The following ZNF469 variants were observed in gnomAD, a reference collection of about 807,000 sequenced individuals.
The protein encoded by ZNF469 is zinc finger protein 469.
A neutral mutation model predicts 1.0 loss-of-function variants in ZNF469; 1 was observed. The observed-to-expected ratio is 1.00, with a 90% CI of 0.35 to 4.73. The LOEUF is 4.73. ZNF469 is among the 30% of genes most tolerant of loss of function. The pLI, the probability that ZNF469 is intolerant of heterozygous loss-of-function variation, is 0.16. For missense variants in ZNF469, 6,100 were observed against 5,356.3 expected (o/e 1.14, Z -4.33); for synonymous variants, 2,703 against 2,363.4 (o/e 1.14, Z -4.17).
At chr16:88,353,102 G>A in the ZNF469 span, among the ~76,000 whole-genome samples, 6 of 152,174 alleles carry the variant, frequency 3.9e-5, no homozygotes, top group African/African-American at 1.4e-4. Context: ...GAAACCCTTA[G>A]GTGGGCTGAC....
chr16:88,211,955 T>G, the ZNF469 span, among the ~76,000 whole-genome samples: 1 of 152,342 alleles, frequency 6.6e-6, no homozygotes, highest in African/African-American at 2.4e-5. Context: ...CCAGATGTTT[T>G]AAAAACAATT....
chr16:88,314,312 G>A, the ZNF469 span, among the ~76,000 whole-genome samples: 4 of 149,024 alleles, frequency 2.7e-5, no homozygotes, highest in Admixed American at 2.7e-4. Flanking sequence ...CAGTGCTGCT[G>A]TGGACTGTCA....
chr16:88,121,153 T>C, the ZNF469 span, among the ~76,000 whole-genome samples: 1 of 82,000 alleles, frequency 1.2e-5, no homozygotes, highest in Non-Finnish European at 2.3e-5. Flanking sequence ...GCACCCGCTA[T>C]GTACCATGCA....
chr16:88,155,891 C>T, the ZNF469 span, among the ~76,000 whole-genome samples: 3 of 152,176 alleles, frequency 2.0e-5, no homozygotes, highest in Admixed American at 6.5e-5. Context: ...GCCTCGTCAT[C>T]GCCACGTTCT....
At chr16:88,286,050 G>A in the ZNF469 span, among the ~76,000 whole-genome samples, 1 of 152,244 alleles carries the variant, frequency 6.6e-6, no homozygotes, top group Non-Finnish European at 1.5e-5. Flanking sequence ...TAGCCCAGGA[G>A]CCCCAGTCCC....
chr16:88,184,831 C>G, the ZNF469 span, among the ~76,000 whole-genome samples: 1 of 152,220 alleles, frequency 6.6e-6, no homozygotes, highest in Non-Finnish European at 1.5e-5. Context: ...AGGGGACACT[C>G]CCTCTCGGGC....
chr16:88,424,361 G>A lies in ZNF469; in HGVS notation c.-191-446G>A, dbSNP rs956861444. The stretch of plus-strand genomic sequence containing the variant: ...AGGCAGTGTGTGTTCCTGTGTGCTG[G>A]TGTTTGCATCCAGGGACTCTGGGAG... On this transcript the variant is annotated intron_variant, in intron 1 of 2. Transcript: ENST00000565624. The surrounding 1 kb of genome is among the most constrained non-coding windows in gnomAD (Gnocchi z 4.3). Among the ~76,000 whole-genome samples the A allele has an allele frequency of 6.6e-6, 1 of 152,190 alleles. No homozygotes were observed. Among genetic ancestry groups the A allele is most frequent in the Admixed American group, 6.5e-5 (1 of 15,288 alleles).
the ZNF469 span, among the ~76,000 whole-genome samples, chr16:88,327,023 G>T: frequency 3.9e-5 from 6 of 152,188 alleles, no homozygotes; most frequent in Non-Finnish European, 1.5e-5. Context: ...GGGCGGCCCC[G>T]CCTCTCTGAT....
chr16:88,124,267 T>A, the ZNF469 span, among the ~76,000 whole-genome samples: 13 of 152,116 alleles, frequency 8.5e-5, no homozygotes, highest in Non-Finnish European at 1.6e-4. Context: ...AAAGTCTCAC[T>A]CTGTCACCCA....
At chr16:88,239,562 A>C in the ZNF469 span, among the ~76,000 whole-genome samples, 1 of 144,690 alleles carries the variant, frequency 6.9e-6, no homozygotes, top group Non-Finnish European at 1.5e-5. Flanking sequence ...ATCTCGGCTC[A>C]CTGCAAGCTC....
the ZNF469 span, among the ~76,000 whole-genome samples, chr16:88,279,721 C>T: frequency 8.5e-5 from 12 of 140,512 alleles, no homozygotes; most frequent in Admixed American, 7.1e-4. Context: ...TATCAGTGCA[C>T]GGTTAGTGCT....
At chr16:88,158,127 A>G in the ZNF469 span, among the ~76,000 whole-genome samples, 1 of 151,946 alleles carries the variant, frequency 6.6e-6, no homozygotes, top group African/African-American at 2.4e-5. Flanking sequence ...CTCAGGGTCC[A>G]GGGAGGGACC....
rs1473803260 is a variant in ZNF469, at chr16:88,433,219, G to T, written c.5749G>T (p.Asp1917Tyr). 3 of 1,550,166 alleles carry T rather than the reference G, an allele frequency of 1.9e-6. No individual in the cohort carries two copies. Among genetic ancestry groups the T allele is most frequent in the Non-Finnish European group, 2.6e-6 (3 of 1,146,938 alleles). ...LPGPGVAKSK[D>Y]GILGLQELTP... Reference sequence around the variant, plus strand: ...AGGGCCTGGAGTGGCTAAGAGTAAAGATGGCATCCTGGGCTTGCAGGAGCT... The same window carrying T: ...AGGGCCTGGAGTGGCTAAGAGTAAATATGGCATCCTGGGCTTGCAGGAGCT... The change falls in exon 3 of 3, where the codon GAT becomes TAT. Residue 1917 changes from aspartate to tyrosine, a missense_variant. Coordinates refer to ENST00000565624, the MANE Select transcript of ZNF469 (RefSeq NM_001367624.2).
At chr16:88,219,763 A>C in the ZNF469 span, among the ~76,000 whole-genome samples, 12 of 152,232 alleles carry the variant, frequency 7.9e-5, no homozygotes, top group African/African-American at 2.9e-4. Flanking sequence ...ACATGACCCC[A>C]GTTTTCATCA....
chr16:88,248,494 T>C, the ZNF469 span, among the ~76,000 whole-genome samples: 7 of 152,162 alleles, frequency 4.6e-5, no homozygotes, highest in East Asian at 1.2e-3. Flanking sequence ...GGAGGATCAC[T>C]TGAGACCAGC....
chr16:88,355,607 G>A, the ZNF469 span, among the ~76,000 whole-genome samples: 2 of 152,232 alleles, frequency 1.3e-5, no homozygotes, highest in East Asian at 1.9e-4. Flanking sequence ...CGGCCTGGCT[G>A]TGAGTCCACA....
chr16:88,170,506 G>A, the ZNF469 span, among the ~76,000 whole-genome samples: 2 of 152,148 alleles, frequency 1.3e-5, no homozygotes, highest in Non-Finnish European at 1.5e-5. The surrounding 1 kb of genome is among the most constrained non-coding windows in gnomAD (Gnocchi z 4.2). Context: ...AACTTTTTTA[G>A]ATGCCACATG....
chr16:88,377,115 G>T, the ZNF469 span, among the ~76,000 whole-genome samples: 1 of 152,248 alleles, frequency 6.6e-6, no homozygotes, highest in Non-Finnish European at 1.5e-5. Flanking sequence ...CCCACAGTTA[G>T]CCACCACTCC....
chr16:88,430,284 GC>G lies in ZNF469; in HGVS notation c.2817del (p.Ser940AlafsTer12). On this transcript the variant is annotated frameshift_variant, in exon 3 of 3. Transcript: ENST00000565624. LOFTEE classifies it low-confidence loss of function (END_TRUNC). The part of the protein sequence containing the change: ...LGLAPTEADA[P>X]SQGRQQRRGK... ...GTCTGGCCCCCACCGAGGCGGATGC[GC>G]CCAGCCAGGGCAGGCAGCAGAGGAG... 6.6e-7 allele frequency: 1 copy of G among 1,514,332 alleles called. No homozygotes were observed. 93.8% of individuals were successfully genotyped at this position (1,514,332 alleles called of 1,614,324 possible).
Sources: allele counts gnomAD v4.1 joint callset (sites outside exome capture counted in the v4.1 genomes callset), GRCh38; gene constraint gnomAD v4.1.1; non-coding constraint Gnocchi (gnomAD v3.1); transcripts MANE v1.5; gene names NCBI Gene and HGNC (gene_info 2026-07-23, HGNC 2026-07-21).